Variants in TP63 observed in about 807,000 individuals in gnomAD.
TP63 encodes tumor protein 63.
Under a neutral mutation model 82.8 loss-of-function variants are expected in TP63, and 17 were observed. That is an observed-to-expected ratio of 0.21 (90% confidence interval 0.14 to 0.31). The LOEUF (loss-of-function observed/expected upper bound fraction) is 0.31, where lower values mean the gene tolerates loss of function less well. Among genes scored for constraint, TP63 ranks in the 10% least tolerant of loss-of-function variants. TP63 has a pLI of 1.00. For synonymous variants in TP63, 330 were observed against 321.7 expected (o/e 1.03, Z -0.28); for missense variants, 648 against 895.3 (o/e 0.72, Z 3.52).
chr3:189,703,307 G>A (rs567644725), intron 1 of TP63, among the ~76,000 whole-genome samples: 21 of 152,268 alleles, frequency 1.4e-4, no homozygotes, highest in African/African-American at 4.8e-4. Flanking sequence ...GGGGGCATGC[G>A]CCTGTAGTCC....
chr3:189,645,390 G>T, intron 1 of TP63: 1 of 502,640 alleles, frequency 2.0e-6, no homozygotes, highest in Non-Finnish European at 3.8e-6. Flanking sequence ...AGTTTGGTCT[G>T]TCATTGTTGG....
intron 4 of TP63, among the ~76,000 whole-genome samples, chr3:189,848,255 C>CTCTCTCTCTCTCTCTCTCTCTCTCTT (rs1715170540): frequency 1.3e-5 from 2 of 150,000 alleles, no homozygotes; most frequent in Non-Finnish European, 3.0e-5. Flanking sequence ...CTCTCTCTCT[C>CTCTCTCTCTCTCTCTCTCTCTCTCTT]TCTCTCTCTC....
At chr3:189,841,231 C>A (rs769792812) in intron 4 of TP63, among the ~76,000 whole-genome samples, 8 of 152,260 alleles carry the variant, frequency 5.3e-5, no homozygotes, top group Admixed American at 5.2e-4. Context: ...TTTGTGTTAT[C>A]GTGAGCAAAG....
At chr3:189,664,386 A>G (rs1194953022) in intron 1 of TP63, among the ~76,000 whole-genome samples, 2 of 152,166 alleles carry the variant, frequency 1.3e-5, no homozygotes, top group Non-Finnish European at 2.9e-5. Flanking sequence ...TCAAAATGAC[A>G]AACTTTAAAG....
In TP63 at chr3:189,673,982, A is replaced by G. The variant is rs139311931; in HGVS notation, c.62+42405A>G. Among the ~76,000 whole-genome samples, 477 of 152,286 alleles carry G rather than the reference A, an allele frequency of 3.1e-3. 3 individuals are homozygous for G. The highest frequency in any genetic ancestry group is 0.01 in the African/African-American group (424 of 41,576). On this transcript the variant is annotated intron_variant, in intron 1 of 13. Coordinates refer to ENST00000264731, the MANE Select transcript of TP63 (RefSeq NM_003722.5). ...TACTTATATTTATTACTTTAGCAAT[A>G]AAGAAACCATAGGCAAGACTTTGAA...
intron 1 of TP63, chr3:189,645,179 G>A (rs36092415): frequency 0.11 from 25,516 of 224,194 alleles, 2,074 homozygotes; most frequent in East Asian, 0.38. Flanking sequence ...CAAACTTGAA[G>A]GGACTTCAAT....
Position 189,737,597 on chromosome 3 carries a change from C to T in TP63, c.63-143C>T, listed in dbSNP as rs1720688763. 4 of 1,057,722 alleles carry T rather than the reference C, an allele frequency of 3.8e-6. No individual in the cohort carries two copies. The South Asian group carries it at 6.2e-5, about 17-fold the overall frequency. The allele number at this position is 1,057,722 out of a possible 1,614,324, so 65.5% of individuals were successfully genotyped here. ...ACTACCTGAAGAAATGCCAATTGTGCAACTTGTAACATGTGCTACATATAT... is the reference window on the plus strand; with the variant it reads ...ACTACCTGAAGAAATGCCAATTGTGTAACTTGTAACATGTGCTACATATAT... On this transcript the variant is annotated intron_variant, in intron 1 of 13. Transcript: ENST00000264731.
In TP63 at chr3:189,768,424, T is replaced by G. The variant is rs190561875; in HGVS notation, c.324+29650T>G. Among the ~76,000 whole-genome samples the G allele has an allele frequency of 2.4e-4, 36 of 152,288 alleles. No individual in the cohort carries two copies. In the East Asian group the frequency reaches 6.9e-3, roughly 29 times the overall value. On this transcript the variant is annotated intron_variant, in intron 3 of 13. Transcript: ENST00000264731. ...GGTAGCGATGTTATTCTCATGATTA[T>G]GTAATTCTTTTAAAATATCTCGAAT...
intron 1 of TP63, among the ~76,000 whole-genome samples, chr3:189,667,563 T>A (rs1714511331): frequency 6.6e-6 from 1 of 151,988 alleles, no homozygotes; most frequent in South Asian, 2.1e-4. Flanking sequence ...TGGGAGCTCT[T>A]GTAGGGTGTC....
chr3:189,877,620 A>G (rs1369041642), intron 10 of TP63, among the ~76,000 whole-genome samples: 1 of 152,180 alleles, frequency 6.6e-6, no homozygotes, highest in Non-Finnish European at 1.5e-5. Context: ...TTTTATGATT[A>G]CTTGACAATT....
At chr3:189,882,327 G>C (rs570138561) in intron 10 of TP63, among the ~76,000 whole-genome samples, 1 of 152,208 alleles carries the variant, frequency 6.6e-6, no homozygotes, top group African/African-American at 2.4e-5. Context: ...GAAAATTACA[G>C]TTTTCCCATC....
intron 3 of TP63, among the ~76,000 whole-genome samples, chr3:189,759,041 A>G (rs756391782): frequency 5.3e-5 from 8 of 152,228 alleles, no homozygotes; most frequent in Non-Finnish European, 1.2e-4. Context: ...TCTAATGATT[A>G]AGAGCGTGGG....
intron 1 of TP63, among the ~76,000 whole-genome samples, chr3:189,634,327 T>C (rs1170833818): frequency 3.3e-5 from 5 of 151,938 alleles, no homozygotes; most frequent in African/African-American, 1.2e-4. Flanking sequence ...GCTACCTTAA[T>C]TTATGAATTC....
chr3:189,862,491 G>A (rs1231091087), intron 4 of TP63, among the ~76,000 whole-genome samples: 5 of 152,008 alleles, frequency 3.3e-5, no homozygotes, highest in South Asian at 2.1e-4. Flanking sequence ...AAACTTCTAC[G>A]CTGAACACTT....
At chr3:189,658,153 T>A (rs116350974) in intron 1 of TP63, among the ~76,000 whole-genome samples, 1 of 152,048 alleles carries the variant, frequency 6.6e-6, no homozygotes, top group Non-Finnish European at 1.5e-5. Context: ...AGGCACCAAC[T>A]GAAGAGCTCC....
intron 1 of TP63, among the ~76,000 whole-genome samples, chr3:189,643,239 G>T (rs1284587843): frequency 6.6e-6 from 1 of 152,074 alleles, no homozygotes; most frequent in Non-Finnish European, 1.5e-5. Context: ...GACCCCAGGT[G>T]ATCTGCCCGC....
At chr3:189,732,917 C>G (rs534841303) in intron 1 of TP63, among the ~76,000 whole-genome samples, 2 of 152,188 alleles carry the variant, frequency 1.3e-5, no homozygotes, top group East Asian at 3.9e-4. Flanking sequence ...GAACAAAATT[C>G]AAAGGAGAAA....
intron 3 of TP63, among the ~76,000 whole-genome samples, chr3:189,799,943 T>A (rs938165708): frequency 1.3e-5 from 2 of 152,152 alleles, no homozygotes; most frequent in Non-Finnish European, 2.9e-5. Flanking sequence ...TTATCCCAGG[T>A]ATTGGGGATT....
At chr3:189,663,521 C>CTTTT (rs397991949) in intron 1 of TP63, among the ~76,000 whole-genome samples, 4,998 of 84,550 alleles carry the variant, frequency 0.059, 749 homozygotes, top group Non-Finnish European at 0.076. Flanking sequence ...TTCATTCATT[C>CTTTT]TTTTTTTTTT....
Sources: allele counts gnomAD v4.1 joint callset (sites outside exome capture counted in the v4.1 genomes callset), GRCh38; gene constraint gnomAD v4.1.1; transcripts MANE v1.5; gene names NCBI Gene and HGNC (gene_info 2026-07-23, HGNC 2026-07-21).